ARMH3: variants seen among roughly 807,000 people sequenced by gnomAD.
ARMH3 encodes the protein armadillo-like helical domain-containing protein 3.
ARMH3 carries 60 observed loss-of-function variants against 99.1 expected under a neutral mutation model. The ratio of observed to expected loss-of-function variants is 0.61; its 90% confidence interval spans 0.49 to 0.75. ARMH3 has a LOEUF of 0.75. Ranked by LOEUF, ARMH3 falls within the 30% of genes least tolerant of loss-of-function variation. The probability of loss-of-function intolerance (pLI) is 0.00; values close to 1 mark genes in which losing one functional copy is unlikely to be tolerated. For missense variants in ARMH3, 679 were observed against 843.1 expected (o/e 0.81, Z 2.41); for synonymous variants, 285 against 292.8 (o/e 0.97, Z 0.27).
At chr10:101,963,291 T>A (rs1173001233) in intron 20 of ARMH3, among the ~76,000 whole-genome samples, 3 of 151,378 alleles carry the variant, frequency 2.0e-5, no homozygotes, top group South Asian at 4.2e-4. Context: ...TACAGGCACC[T>A]GCCACCACAC....
chr10:101,905,948 T>C (rs2068092434), intron 23 of ARMH3, among the ~76,000 whole-genome samples: 1 of 152,204 alleles, frequency 6.6e-6, no homozygotes. Context: ...TTATACAGAG[T>C]GTTTATCCTT....
At chr10:102,038,718 A>C (rs998427180) in intron 2 of ARMH3, among the ~76,000 whole-genome samples, 3 of 151,944 alleles carry the variant, frequency 2.0e-5, no homozygotes, top group Admixed American at 2.0e-4. Context: ...CAGGCACATA[A>C]TAGAAACCCA....
chr10:101,852,257 T>C (rs2066620963), intron 24 of ARMH3, among the ~76,000 whole-genome samples: 1 of 152,240 alleles, frequency 6.6e-6, no homozygotes, highest in Non-Finnish European at 1.5e-5. Context: ...GACTACATCC[T>C]GAGAGCCTCA....
intron 19 of ARMH3, among the ~76,000 whole-genome samples, chr10:101,984,142 CGTT>C (rs1354145831): frequency 3.9e-5 from 6 of 152,098 alleles, no homozygotes; most frequent in African/African-American, 1.4e-4. Flanking sequence ...TGTTGATTGT[CGTT>C]GTTGAGTGAG....
chr10:101,852,856 T>C (rs2135269115), intron 24 of ARMH3, among the ~76,000 whole-genome samples: 1 of 151,942 alleles, frequency 6.6e-6, no homozygotes, highest in Admixed American at 6.6e-5. Flanking sequence ...ACACTGCCCG[T>C]TGCCACCTCC....
chr10:101,935,760 A>C (rs1843941790), intron 23 of ARMH3, among the ~76,000 whole-genome samples: 1 of 152,242 alleles, frequency 6.6e-6, no homozygotes. Flanking sequence ...TGCCTTAAAA[A>C]TCCTTTTCAG....
In ARMH3 at chr10:101,918,243, G is replaced by A. The variant is rs1843162185; in HGVS notation, c.1781+21620C>T. Among the ~76,000 whole-genome samples, 3 of 152,160 alleles carry A rather than the reference G, an allele frequency of 2.0e-5. No individual in the cohort carries two copies. The South Asian group carries it at 6.2e-4, about 32-fold the overall frequency. On this transcript the variant is annotated intron_variant, in intron 23 of 25. Transcript: ENST00000370033. ...TGATTTTTGTATTTTTAGTAGAGAC[G>A]GGGTTTCACCATGTTGGCCAGGCTG...
rs188158099 is a variant in ARMH3 at position 101,965,381 on chromosome 10, C to G, written c.1496-7649G>C. 3.6e-3 allele frequency among the ~76,000 whole-genome samples: 544 copies of G among 152,224 alleles called. 1 individual carries two copies. The highest frequency in any genetic ancestry group is 4.3e-3 in the Non-Finnish European group (293 of 68,010). On this transcript the variant is annotated intron_variant, in intron 20 of 25. Coordinates refer to ENST00000370033, the MANE Select transcript of ARMH3 (RefSeq NM_024541.3). ...TCACTGATAGGTAAAAGGAAAGGAGCCAAATATACTCAATCAACAGAGAGC... is the reference window on the plus strand; with the variant it reads ...TCACTGATAGGTAAAAGGAAAGGAGGCAAATATACTCAATCAACAGAGAGC...
intron 23 of ARMH3, among the ~76,000 whole-genome samples, chr10:101,926,908 C>G (rs1045247090): frequency 6.6e-6 from 1 of 152,036 alleles, no homozygotes; most frequent in South Asian, 2.1e-4. Context: ...GAGAGCTGGC[C>G]GGGAAAGAAC....
At chr10:101,906,005 T>G (rs531530993) in intron 23 of ARMH3, among the ~76,000 whole-genome samples, 1 of 152,350 alleles carries the variant, frequency 6.6e-6, no homozygotes, top group East Asian at 1.9e-4. Context: ...CTTTGTGTTC[T>G]TAAATGTTAC....
intron 24 of ARMH3, among the ~76,000 whole-genome samples, chr10:101,854,313 A>G (rs150868886): frequency 2.6e-5 from 4 of 152,284 alleles, no homozygotes; most frequent in African/African-American, 9.6e-5. Context: ...TTCCTGAATA[A>G]AAGTTTTAAG....
At chr10:101,922,893 T>C (rs901901846) in intron 23 of ARMH3, among the ~76,000 whole-genome samples, 2 of 152,186 alleles carry the variant, frequency 1.3e-5, no homozygotes, top group African/African-American at 4.8e-5. Flanking sequence ...TTCCTTGAGA[T>C]TGAGAATTTT....
chr10:101,914,585 G>T (rs1842998659), intron 23 of ARMH3, among the ~76,000 whole-genome samples: 1 of 151,782 alleles, frequency 6.6e-6, no homozygotes, highest in Non-Finnish European at 1.5e-5. Flanking sequence ...CTTAAAATGG[G>T]CTGGGTGCGG....
chr10:102,043,825 T>C (rs1422777000), intron 1 of ARMH3, among the ~76,000 whole-genome samples: 1 of 152,212 alleles, frequency 6.6e-6, no homozygotes, highest in East Asian at 1.9e-4. Flanking sequence ...CTCAACTGAA[T>C]GGTAAATCAA....
At chr10:101,888,332 T>C (rs1379219480) in intron 24 of ARMH3, among the ~76,000 whole-genome samples, 1 of 152,092 alleles carries the variant, frequency 6.6e-6, no homozygotes. Flanking sequence ...AAAAGCAGTT[T>C]TAAATGTGAG....
chr10:101,926,396 G>T (rs142531442), intron 23 of ARMH3, among the ~76,000 whole-genome samples: 123 of 152,060 alleles, frequency 8.1e-4, no homozygotes, highest in African/African-American at 2.9e-3. Context: ...CTAAACTAGT[G>T]ATCCTCTTGC....
chr10:101,974,598 A>G (rs116882453), intron 20 of ARMH3, among the ~76,000 whole-genome samples: 2,343 of 152,306 alleles, frequency 0.015, 25 homozygotes, highest in East Asian at 0.042. Flanking sequence ...TCCCCCCTGC[A>G]GGGGTAGCAG....
At chr10:101,973,896 CATT>C (rs1004563260) in intron 20 of ARMH3, among the ~76,000 whole-genome samples, 24 of 152,182 alleles carry the variant, frequency 1.6e-4, no homozygotes, top group African/African-American at 5.8e-4. Context: ...AGATCTGCAT[CATT>C]ATTGTGTTTT....
At chr10:101,956,297 C>T (rs1845033673) in intron 22 of ARMH3, among the ~76,000 whole-genome samples, 1 of 152,158 alleles carries the variant, frequency 6.6e-6, no homozygotes, top group Non-Finnish European at 1.5e-5. Context: ...TTCCCACCCA[C>T]TCTTTCACCT....
Sources: gnomAD v4.1 joint callset for allele counts (sites outside exome capture counted in the v4.1 genomes callset) on GRCh38, gnomAD v4.1.1 for gene constraint, MANE v1.5 for transcripts, NCBI Gene and HGNC (gene_info 2026-07-23, HGNC 2026-07-21) for gene names.